Variants in TENM4 observed in about 807,000 individuals in gnomAD.
TENM4 encodes the protein teneurin transmembrane protein 4, also known as teneurin-4.
TENM4 carries 82 observed loss-of-function variants against 243.3 expected under a neutral mutation model. The ratio of observed to expected loss-of-function variants is 0.34; its 90% CI spans 0.28 to 0.40. The LOEUF is 0.40. TENM4 is among the 10% of genes least tolerant of loss of function. The pLI, the probability that TENM4 is intolerant of heterozygous loss-of-function variation, is 1.00. For synonymous variants in TENM4, 1,412 were observed against 1,456.3 expected (o/e 0.97, Z 0.69); for missense variants, 3,138 against 3,673.3 (o/e 0.85, Z 3.77).
At chr11:79,018,337 C>T (rs1417934960) in intron 6 of TENM4, among the ~76,000 whole-genome samples, 1 of 152,164 alleles carries the variant, frequency 6.6e-6, no homozygotes, top group Non-Finnish European at 1.5e-5. Flanking sequence ...TTGCCAGCAG[C>T]TGGCTCCTTG....
At chr11:79,171,753 G>A (rs1404720675) in intron 3 of TENM4, among the ~76,000 whole-genome samples, 2 of 152,178 alleles carry the variant, frequency 1.3e-5, no homozygotes, top group Admixed American at 1.3e-4. Flanking sequence ...GTAAGTTAAT[G>A]AGCAAAGAAG....
intron 6 of TENM4, among the ~76,000 whole-genome samples, chr11:79,000,084 A>G (rs1858276260): frequency 6.6e-6 from 1 of 152,246 alleles, no homozygotes; most frequent in African/African-American, 2.4e-5. Context: ...CTCATCTTAA[A>G]CAATGGAGGG....
intron 1 of TENM4, among the ~76,000 whole-genome samples, chr11:79,414,208 A>C (rs1858765653): frequency 1.3e-5 from 2 of 152,044 alleles, no homozygotes; most frequent in Admixed American, 6.6e-5. Context: ...ACATGCACGC[A>C]CTGGAAAAGC....
intron 30 of TENM4, among the ~76,000 whole-genome samples, chr11:78,674,179 A>T (rs550896082): frequency 6.6e-6 from 1 of 152,344 alleles, no homozygotes; most frequent in African/African-American, 2.4e-5. Context: ...TAAACAGCTC[A>T]CTGGGGAGCC....
intron 1 of TENM4, among the ~76,000 whole-genome samples, chr11:79,371,122 T>C (rs548231919): frequency 1.1e-4 from 16 of 152,292 alleles, no homozygotes; most frequent in African/African-American, 3.4e-4. Flanking sequence ...ACCCAGCAGA[T>C]TGGCAAAAAT....
chr11:78,953,759 G>T (rs1486066582), intron 6 of TENM4, among the ~76,000 whole-genome samples: 1 of 152,180 alleles, frequency 6.6e-6, no homozygotes, highest in African/African-American at 2.4e-5. Context: ...CAGGGCTTGA[G>T]CATCTAGATT....
intron 6 of TENM4, among the ~76,000 whole-genome samples, chr11:78,966,155 C>A (rs1476804636): frequency 6.7e-6 from 1 of 149,420 alleles, no homozygotes. Context: ...TTACTTTGCC[C>A]TTTGCACCTC....
rs548471231 is a variant in TENM4 at position 78,978,205 on chromosome 11, G to A, written c.494-74682C>T. On this transcript the variant is annotated intron_variant, in intron 6 of 33. Coordinates refer to ENST00000278550, the MANE Select transcript of TENM4 (RefSeq NM_001098816.3). ...AAAACATACACTGCAGCCTGTTGGC[G>A]GATGGGGGGCTAGGGGAGGGATAGC... 3.2e-3 allele frequency among the ~76,000 whole-genome samples: 486 copies of A among 151,478 alleles called. 4 individuals carry two copies. Among genetic ancestry groups the A allele is most frequent in the South Asian group, 7.3e-3 (35 of 4,816 alleles).
chr11:79,267,352 C>T (rs1855899758), intron 2 of TENM4, among the ~76,000 whole-genome samples: 1 of 152,146 alleles, frequency 6.6e-6, no homozygotes, highest in Admixed American at 6.5e-5. Flanking sequence ...GGCCATTTAC[C>T]CTGTTCAAAT....
chr11:78,755,461 G>A (rs1044254827), intron 19 of TENM4, among the ~76,000 whole-genome samples: 8 of 152,104 alleles, frequency 5.3e-5, no homozygotes, highest in South Asian at 4.1e-4. Context: ...GAGCCACTGC[G>A]CCCAGCCTCC....
intron 1 of TENM4, among the ~76,000 whole-genome samples, chr11:79,328,212 C>T (rs490195): frequency 0.32 from 48,219 of 152,036 alleles, 8,339 homozygotes; most frequent in South Asian, 0.5. Flanking sequence ...TATGGTCCTA[C>T]TTGGATGTGA....
At chr11:78,937,619 C>CT (rs1278590728) in intron 6 of TENM4, among the ~76,000 whole-genome samples, 1 of 152,200 alleles carries the variant, frequency 6.6e-6, no homozygotes, top group Non-Finnish European at 1.5e-5. Context: ...TTGGTTTGGA[C>CT]TGAGCTCTTG....
intron 1 of TENM4, among the ~76,000 whole-genome samples, chr11:79,354,289 T>C (rs561897225): frequency 5.9e-5 from 9 of 152,318 alleles, no homozygotes; most frequent in Non-Finnish European, 1.0e-4. Context: ...AGCTGGCTGA[T>C]GAACCCTACC....
chr11:78,933,918 G>A (rs542388260), intron 6 of TENM4, among the ~76,000 whole-genome samples: 14 of 152,228 alleles, frequency 9.2e-5, no homozygotes, highest in African/African-American at 3.4e-4. Flanking sequence ...TCCACCAACT[G>A]CAGATACAAA....
intron 3 of TENM4, among the ~76,000 whole-genome samples, chr11:79,195,470 G>T (rs900546799): frequency 6.6e-6 from 1 of 152,132 alleles, no homozygotes; most frequent in Non-Finnish European, 1.5e-5. Context: ...AGGTGGAGTT[G>T]CCCAAGACCA....
At position 79,259,653 on chromosome 11, in the gene TENM4, CCA is replaced by C. The variant is rs1409652843; in HGVS notation, c.-265+37833_-265+37834del. On this transcript the variant is annotated intron_variant, in intron 2 of 33. Coordinates refer to ENST00000278550, the MANE Select transcript of TENM4 (RefSeq NM_001098816.3). ...TCCACTCCCCCATCCATCCATCCAT[CCA>C]TCTATCCATCCATCCATCCATCCAT... Among the ~76,000 whole-genome samples the C allele has an allele frequency of 4.7e-3, 607 of 128,080 alleles. 2 individuals carry two copies. The highest frequency in any genetic ancestry group is 7.8e-3 in the Admixed American group (100 of 12,808). The allele number at this position is 128,080 out of a possible 152,430, so 84.0% of individuals were successfully genotyped here. A position where few individuals can be genotyped will look rare whatever the true frequency, so the allele number is the denominator to read the frequency against.
At chr11:79,004,672 A>T (rs1156280296) in intron 6 of TENM4, among the ~76,000 whole-genome samples, 1 of 152,146 alleles carries the variant, frequency 6.6e-6, no homozygotes, top group Admixed American at 6.6e-5. Context: ...TTAACAACCG[A>T]ACATCACACC....
At chr11:78,767,904 G>A (rs1204816125) in intron 18 of TENM4, among the ~76,000 whole-genome samples, 1 of 152,216 alleles carries the variant, frequency 6.6e-6, no homozygotes, top group East Asian at 1.9e-4. Context: ...ACTGGGCCAT[G>A]TTCACTGGTC....
intron 15 of TENM4, among the ~76,000 whole-genome samples, chr11:78,791,322 A>G (rs1857050756): frequency 6.6e-6 from 1 of 152,244 alleles, no homozygotes; most frequent in Admixed American, 6.5e-5. Flanking sequence ...ATTAAAGCAG[A>G]TAAAATTTCC....
Sources: allele counts gnomAD v4.1 joint callset (sites outside exome capture counted in the v4.1 genomes callset), GRCh38; gene constraint gnomAD v4.1.1; transcripts MANE v1.5; gene names NCBI Gene and HGNC (gene_info 2026-07-23, HGNC 2026-07-21).